The following CNTN6 variants were observed in gnomAD, a reference collection of about 807,000 sequenced individuals.
CNTN6 encodes the protein contactin 6.
A neutral mutation model predicts 122.8 loss-of-function variants in CNTN6; 137 were observed. The ratio of observed to expected loss-of-function variants is 1.12; its 90% CI spans 0.97 to 1.29. The LOEUF (loss-of-function observed/expected upper bound fraction) is 1.29. CNTN6 is among the 50% of genes most tolerant of loss of function. The pLI, the probability that CNTN6 is intolerant of heterozygous loss-of-function variation, is 0.00. For synonymous variants in CNTN6, 570 were observed against 426.0 expected (o/e 1.34, Z -4.16); for missense variants, 1,634 against 1,223.4 (o/e 1.34, Z -5.01).
chr3:1,158,110 T>A (rs537574708), intron 2 of CNTN6, among the ~76,000 whole-genome samples: 44 of 152,304 alleles, frequency 2.9e-4, no homozygotes, highest in African/African-American at 9.4e-4. Flanking sequence ...AGCCCAAAAC[T>A]GTTGTTGATA....
In CNTN6 at chr3:1,297,917, T is replaced by G. The variant is rs374599010; in HGVS notation, c.687T>G (p.Ile229Met). 26 of 1,612,752 alleles carry G rather than the reference T, an allele frequency of 1.6e-5. 1 individual carries two copies. In the East Asian group the frequency reaches 2.5e-4, roughly 15 times the overall value. ...DGVMGEYEPK[I>M]EVRFPETIQA... is the part of the protein sequence containing the mutation. ...TGATGGGGGAATATGAACCAAAGAT[T>G]GAAGTGCGTTTTCCTGAAACTATAC... The change falls in exon 7 of 23, where the codon ATT becomes ATG. Residue 229 changes from isoleucine (I) to methionine (M), a missense_variant. Ile to Met is a conservative substitution (Grantham distance 10). Transcript: ENST00000446702.
intron 11 of CNTN6, among the ~76,000 whole-genome samples, chr3:1,350,349 G>A (rs779397420): frequency 1.6e-4 from 25 of 151,870 alleles, no homozygotes; most frequent in Middle Eastern, 3.4e-3. Context: ...TTTACTAAAC[G>A]TAAGGCAAAG....
In CNTN6 at chr3:1,388,207, G is replaced by A. The variant is rs571139006; in HGVS notation, c.2704+2410G>A. Among the ~76,000 whole-genome samples the A allele has an allele frequency of 6.9e-4, 104 of 150,228 alleles. 1 individual carries two copies. The highest frequency in any genetic ancestry group is 3.4e-3 in the Middle Eastern group (1 of 294). ...GCACTGGTTCTCCCAGCATGCAGCTGGAGATCTGAGAACTGGCACACTGCC... is the reference window on the plus strand; with the variant it reads ...GCACTGGTTCTCCCAGCATGCAGCTAGAGATCTGAGAACTGGCACACTGCC... On this transcript the variant is annotated intron_variant, in intron 20 of 22. Transcript: ENST00000446702.
intron 6 of CNTN6, among the ~76,000 whole-genome samples, chr3:1,296,876 T>C (rs1326389827): frequency 6.6e-6 from 1 of 152,106 alleles, no homozygotes; most frequent in African/African-American, 2.4e-5. Flanking sequence ...CTGTCTACTC[T>C]GAGTTTCTGC....
At chr3:1,265,828 C>G (rs1559651029) in intron 4 of CNTN6, among the ~76,000 whole-genome samples, 3 of 152,010 alleles carry the variant, frequency 2.0e-5, no homozygotes, top group Admixed American at 6.6e-5. Context: ...CACAAAAAAC[C>G]TTTGTGTTTT....
chr3:1,115,585 T>TA (rs1468354768), intron 1 of CNTN6, among the ~76,000 whole-genome samples: 1 of 151,904 alleles, frequency 6.6e-6, no homozygotes, highest in Non-Finnish European at 1.5e-5. Flanking sequence ...CCGTGTCTAC[T>TA]AAAAATCCAA....
At chr3:1,367,438 C>T (rs1236310850) in intron 12 of CNTN6, among the ~76,000 whole-genome samples, 2 of 151,996 alleles carry the variant, frequency 1.3e-5, no homozygotes, top group Non-Finnish European at 2.9e-5. Flanking sequence ...TCACACAGAG[C>T]CCTGTGCTGA....
chr3:1,383,676 G>C (rs906782855), intron 19 of CNTN6, among the ~76,000 whole-genome samples: 1 of 151,470 alleles, frequency 6.6e-6, no homozygotes. Context: ...AAAAAAAACA[G>C]CTTTATTGAG....
rs543287658 is a variant in CNTN6 at position 1,134,472 on chromosome 3, G to T, written c.-82-13455G>T. Among the ~76,000 whole-genome samples the T allele has an allele frequency of 2.0e-5, 3 of 152,148 alleles. No homozygotes were observed. In the South Asian group the frequency reaches 6.2e-4, roughly 32 times the overall value. ...TTTCTTCCCTCTAAATGTGATTTTA[G>T]CATCCTGACATAATCCCCTCCACAC... is the stretch of plus-strand genomic sequence containing the variant. On this transcript the variant is annotated intron_variant, in intron 1 of 22. Coordinates refer to ENST00000446702, the MANE Select transcript of CNTN6 (RefSeq NM_001289080.2).
intron 11 of CNTN6, among the ~76,000 whole-genome samples, chr3:1,347,237 T>C (rs999501276): frequency 3.8e-4 from 58 of 151,868 alleles, no homozygotes; most frequent in African/African-American, 1.4e-3. Context: ...AGTCATACTA[T>C]ATCTACACAT....
chr3:1,361,681 T>C (rs1285812004), intron 12 of CNTN6, among the ~76,000 whole-genome samples: 2 of 152,148 alleles, frequency 1.3e-5, no homozygotes, highest in Admixed American at 1.3e-4. Flanking sequence ...GAATAATCTG[T>C]CTTAACTAGT....
intron 1 of CNTN6, among the ~76,000 whole-genome samples, chr3:1,115,389 C>T (rs2091675165): frequency 6.6e-6 from 1 of 152,052 alleles, no homozygotes; most frequent in Admixed American, 6.6e-5. Context: ...AGAACAGTTC[C>T]AAAACATCAC....
chr3:1,325,970 A>G lies in CNTN6; in HGVS notation c.1083+19A>G. The G allele has an allele frequency of 1.3e-6, 2 of 1,598,470 alleles. No individual in the cohort carries two copies. The highest frequency in any genetic ancestry group is 2.2e-5 in the East Asian group (1 of 44,606). ...CCCAGAGGTAAGCAACTATGTTGAT[A>G]TTAAAAGTTTACCTACTCTACTAGG... On this transcript the variant is annotated intron_variant, in intron 9 of 22. Coordinates refer to ENST00000446702, the MANE Select transcript of CNTN6 (RefSeq NM_001289080.2).
chr3:1,209,964 A>T (rs905628723), intron 2 of CNTN6, among the ~76,000 whole-genome samples: 3 of 152,210 alleles, frequency 2.0e-5, no homozygotes, highest in African/African-American at 7.2e-5. Flanking sequence ...AGTAAGATGT[A>T]TCTCTCTACT....
intron 2 of CNTN6, among the ~76,000 whole-genome samples, chr3:1,206,336 C>G (rs531367836): frequency 1.3e-5 from 2 of 152,270 alleles, no homozygotes; most frequent in South Asian, 2.1e-4. Flanking sequence ...CTTTCCACCC[C>G]ACATGCATCA....
chr3:1,135,712 C>T (rs2092454489), intron 1 of CNTN6, among the ~76,000 whole-genome samples: 1 of 152,142 alleles, frequency 6.6e-6, no homozygotes, highest in African/African-American at 2.4e-5. Context: ...AGTTATGAGG[C>T]CAGGTGCAGT....
chr3:1,151,964 C>A (rs947685075), intron 2 of CNTN6, among the ~76,000 whole-genome samples: 3 of 152,160 alleles, frequency 2.0e-5, no homozygotes, highest in Middle Eastern at 3.4e-3. Flanking sequence ...CCCTGAGTTA[C>A]TGAAAAATCT....
intron 20 of CNTN6, among the ~76,000 whole-genome samples, chr3:1,396,132 A>G (rs185861550): frequency 1.3e-5 from 2 of 152,326 alleles, no homozygotes; most frequent in East Asian, 3.9e-4. Flanking sequence ...AGACTAAGAA[A>G]AAGGCAAGCA....
intron 2 of CNTN6, among the ~76,000 whole-genome samples, chr3:1,183,506 G>C (rs1458564236): frequency 2.0e-5 from 3 of 151,036 alleles, no homozygotes; most frequent in Non-Finnish European, 4.4e-5. Context: ...GTATTCAATT[G>C]ATTGCACAAT....
Sources: allele counts gnomAD v4.1 joint callset (sites outside exome capture counted in the v4.1 genomes callset), GRCh38; gene constraint gnomAD v4.1.1; transcripts MANE v1.5; gene names NCBI Gene and HGNC (gene_info 2026-07-23, HGNC 2026-07-21).